Variants in IGF1R observed in about 807,000 individuals in gnomAD.
IGF1R encodes the protein insulin-like growth factor 1 receptor.
A neutral mutation model predicts 144.6 loss-of-function variants in IGF1R; 44 were observed. The ratio of observed to expected loss-of-function variants is 0.30; its 90% CI spans 0.24 to 0.39. The LOEUF (loss-of-function observed/expected upper bound fraction) is 0.39, where lower values mean the gene tolerates loss of function less well. Ranked by LOEUF, IGF1R falls within the 10% of genes least tolerant of loss-of-function variation. The pLI is 1.00. For synonymous variants in IGF1R, 795 were observed against 722.8 expected (o/e 1.10, Z -1.60); for missense variants, 1,355 against 1,833.7 (o/e 0.74, Z 4.77).
intron 2 of IGF1R, among the ~76,000 whole-genome samples, chr15:98,753,632 C>A (rs2055077979): frequency 1.3e-5 from 2 of 151,910 alleles, no homozygotes; most frequent in South Asian, 4.1e-4. Flanking sequence ...GGATTTTATA[C>A]AAAAGAAGCT....
At chr15:98,869,434 C>CCT (rs1235866544) in intron 2 of IGF1R, among the ~76,000 whole-genome samples, 2 of 134,946 alleles carry the variant, frequency 1.5e-5, no homozygotes, top group Admixed American at 7.4e-5. Context: ...CCTTGAGATT[C>CCT]TTTTTTTTTT....
intron 2 of IGF1R, among the ~76,000 whole-genome samples, chr15:98,837,151 C>T (rs894008130): frequency 6.6e-6 from 1 of 152,156 alleles, no homozygotes; most frequent in Non-Finnish European, 1.5e-5. Flanking sequence ...GGAGTGCAGC[C>T]TCAGACTTCT....
At chr15:98,662,495 C>T (rs1203211301) in intron 1 of IGF1R, among the ~76,000 whole-genome samples, 1 of 151,938 alleles carries the variant, frequency 6.6e-6, no homozygotes, top group African/African-American at 2.4e-5. Context: ...AGTATGGAAC[C>T]CTGTTTCTGA....
At chr15:98,780,060 G>A (rs1388842781) in intron 2 of IGF1R, among the ~76,000 whole-genome samples, 1 of 151,438 alleles carries the variant, frequency 6.6e-6, no homozygotes, top group African/African-American at 2.4e-5. Flanking sequence ...CCTCTTCAGA[G>A]TTTGTGGCCA....
In IGF1R at chr15:98,957,100, G is replaced by A; in HGVS notation, c.3762G>A (p.Lys1254=). ...GCATGTGCTGGCAGTATAACCCCAA[G>A]ATGAGGCCTTCCTTCCTGGAGATCA... ...LMRMCWQYNP[K]MRPSFLEIIS... Residue 1254 remains lysine (K), a synonymous_variant, in exon 21 of 21, where the codon AAG becomes AAA. Transcript: ENST00000650285. 1 of 1,614,242 alleles carries A rather than the reference G, an allele frequency of 6.2e-7. No homozygotes were observed. Among genetic ancestry groups the A allele is most frequent in the South Asian group, 1.1e-5 (1 of 91,092 alleles).
At chr15:98,854,019 GT>G (rs765077759) in intron 2 of IGF1R, among the ~76,000 whole-genome samples, 3 of 152,212 alleles carry the variant, frequency 2.0e-5, no homozygotes, top group Non-Finnish European at 4.4e-5. Flanking sequence ...ACAAGGAATA[GT>G]TTTCCACACT....
chr15:98,692,728 G>C (rs917295899), intron 1 of IGF1R, among the ~76,000 whole-genome samples: 1 of 152,192 alleles, frequency 6.6e-6, no homozygotes, highest in African/African-American at 2.4e-5. Flanking sequence ...ACAACTACCT[G>C]AGATAATGTC....
chr15:98,841,007 G>A (rs936531469), intron 2 of IGF1R, among the ~76,000 whole-genome samples: 3 of 151,996 alleles, frequency 2.0e-5, no homozygotes, highest in Non-Finnish European at 4.4e-5. Context: ...ACTTCCTTTC[G>A]CTTGTAGCCT....
intron 20 of IGF1R, among the ~76,000 whole-genome samples, chr15:98,956,324 C>T (rs952832885): frequency 1.4e-4 from 21 of 152,340 alleles, no homozygotes; most frequent in African/African-American, 4.8e-4. Context: ...GGAGGGGACT[C>T]GTGCCCAGGG....
chr15:98,923,039 G>A (rs1300403039), intron 11 of IGF1R, among the ~76,000 whole-genome samples: 2 of 152,172 alleles, frequency 1.3e-5, no homozygotes, highest in East Asian at 1.9e-4. Flanking sequence ...GGGGTGTGGG[G>A]TCCTCCTGGG....
chr15:98,822,485 A>C (rs1258385122), intron 2 of IGF1R, among the ~76,000 whole-genome samples: 1 of 152,162 alleles, frequency 6.6e-6, no homozygotes, highest in Non-Finnish European at 1.5e-5. Context: ...TTTGGAGCCT[A>C]ACTTAGAATT....
chr15:98,659,769 A>T (rs957181279), intron 1 of IGF1R, among the ~76,000 whole-genome samples: 2 of 152,344 alleles, frequency 1.3e-5, no homozygotes, highest in East Asian at 3.9e-4. Context: ...GAGATTAAAA[A>T]AACACTACTG....
At chr15:98,701,386 G>T (rs1385547465) in intron 1 of IGF1R, among the ~76,000 whole-genome samples, 3 of 135,366 alleles carry the variant, frequency 2.2e-5, no homozygotes, top group Non-Finnish European at 4.6e-5. Context: ...ACCCAGGCTG[G>T]AGTGCAGTGG....
chr15:98,775,913 TAGGG>T (rs1167546555), intron 2 of IGF1R, among the ~76,000 whole-genome samples: 1 of 152,190 alleles, frequency 6.6e-6, no homozygotes, highest in Non-Finnish European at 1.5e-5. Context: ...CTTTGCAAAT[TAGGG>T]AGGTGTGTTG....
At chr15:98,780,153 T>G (rs1567125617) in intron 2 of IGF1R, among the ~76,000 whole-genome samples, 1 of 150,880 alleles carries the variant, frequency 6.6e-6, no homozygotes, top group Non-Finnish European at 1.5e-5. Context: ...TAAAGTATAA[T>G]AAAAAAATAA....
At chr15:98,924,069 G>A in intron 12 of IGF1R, 57 bp downstream of exon 12, 1 of 1,511,800 alleles carries the variant, frequency 6.6e-7, no homozygotes, top group Non-Finnish European at 9.2e-7. Flanking sequence ...GACAGCATAT[G>A]CTACCTGACT....
At chr15:98,779,099 G>T (rs2055790952) in intron 2 of IGF1R, among the ~76,000 whole-genome samples, 1 of 152,198 alleles carries the variant, frequency 6.6e-6, no homozygotes, top group Non-Finnish European at 1.5e-5. Flanking sequence ...TGTGTGCTTG[G>T]TACGAAGTAG....
chr15:98,804,802 A>G (rs1266451532), intron 2 of IGF1R, among the ~76,000 whole-genome samples: 1 of 152,124 alleles, frequency 6.6e-6, no homozygotes, highest in Non-Finnish European at 1.5e-5. Flanking sequence ...AGTTCAAGCA[A>G]TTCTGCCTCA....
chr15:98,788,034 ATCTC>A (rs33910472), intron 2 of IGF1R, among the ~76,000 whole-genome samples: 10,086 of 133,430 alleles, frequency 0.076, 443 homozygotes, highest in East Asian at 0.1. Flanking sequence ...GTGGGTAGGG[ATCTC>A]TCTCTCTCTC....
Sources: gnomAD v4.1 joint callset for allele counts (sites outside exome capture counted in the v4.1 genomes callset) on GRCh38, gnomAD v4.1.1 for gene constraint, MANE v1.5 for transcripts, NCBI Gene and HGNC (gene_info 2026-07-23, HGNC 2026-07-21) for gene names.